The following ETV6 variants were observed in gnomAD, a reference collection of about 807,000 sequenced individuals.
ETV6 encodes the protein ETS variant transcription factor 6, also known as transcription factor ETV6.
A neutral mutation model predicts 51.1 loss-of-function variants in ETV6; 16 were observed. That is an observed-to-expected ratio of 0.31 (90% CI 0.21 to 0.48). ETV6 has a LOEUF of 0.48. ETV6 is among the 20% of genes least tolerant of loss of function. The pLI is 0.99. For missense variants in ETV6, 458 were observed against 594.8 expected (o/e 0.77, Z 2.39); for synonymous variants, 240 against 224.1 (o/e 1.07, Z -0.64).
At chr12:11,821,975 T>C (rs1946087908) in intron 2 of ETV6, among the ~76,000 whole-genome samples, 1 of 152,228 alleles carries the variant, frequency 6.6e-6, no homozygotes, top group Admixed American at 6.5e-5. Flanking sequence ...TTGTGCTCTT[T>C]TCATGTGTGC....
intron 2 of ETV6, among the ~76,000 whole-genome samples, chr12:11,773,192 CAAAAAAAAAAA>C (rs1221154358): frequency 2.5e-5 from 2 of 79,322 alleles, no homozygotes; most frequent in Non-Finnish European, 5.1e-5. Flanking sequence ...GACTCCATCT[CAAAAAAAAAAA>C]AAAAAAAAAT....
intron 1 of ETV6, among the ~76,000 whole-genome samples, chr12:11,696,906 G>A (rs191804552): frequency 9.8e-5 from 15 of 152,326 alleles, no homozygotes; most frequent in Admixed American, 7.8e-4. Flanking sequence ...CTTGAGGGCA[G>A]AGACTATTTC....
At chr12:11,757,908 T>G (rs1254522293) in intron 2 of ETV6, among the ~76,000 whole-genome samples, 1 of 152,190 alleles carries the variant, frequency 6.6e-6, no homozygotes, top group African/African-American at 2.4e-5. Flanking sequence ...ATTCTGGTTT[T>G]GTTCACCAGT....
chr12:11,893,669 CTG>C lies in ETV6; in HGVS notation c.*2625_*2626del, dbSNP rs1473219837. 8.7e-6 allele frequency: 2 copies of C among 228,606 alleles called. No homozygotes were observed. Among genetic ancestry groups the C allele is most frequent in the South Asian group, 1.8e-4 (1 of 5,468 alleles). 14.2% of individuals were successfully genotyped at this position (228,606 alleles called of 1,614,324 possible). On this transcript the variant is annotated 3_prime_UTR_variant, in exon 8 of 8. Coordinates refer to ENST00000396373, the MANE Select transcript of ETV6 (RefSeq NM_001987.5). ...TTTCTTATGGTTCAATGTACACAAA[CTG>C]TTTTATATAGAAAATGATTTCAAAT...
chr12:11,786,452 A>C (rs1050417381), intron 2 of ETV6, among the ~76,000 whole-genome samples: 1 of 152,242 alleles, frequency 6.6e-6, no homozygotes, highest in Non-Finnish European at 1.5e-5. Flanking sequence ...ATAAAAACAA[A>C]TAATTTGTAG....
chr12:11,894,347 A>G lies in ETV6; in HGVS notation c.*3301A>G, dbSNP rs1178976026. 1 of 232,982 alleles carries G rather than the reference A, an allele frequency of 4.3e-6. No homozygotes were observed. Among genetic ancestry groups the G allele is most frequent in the Non-Finnish European group, 8.5e-6 (1 of 117,964 alleles). 14.4% of individuals were successfully genotyped at this position (232,982 alleles called of 1,614,324 possible). On this transcript the variant is annotated 3_prime_UTR_variant, in exon 8 of 8. Transcript: ENST00000396373. ...TTCCTACATCTCAAGCTAGCCAGGC[A>G]GTCTCCTCTCTATCAGAAGAAAGCA...
At chr12:11,780,409 A>G (rs1425466005) in intron 2 of ETV6, among the ~76,000 whole-genome samples, 1 of 152,326 alleles carries the variant, frequency 6.6e-6, no homozygotes, top group East Asian at 1.9e-4. Flanking sequence ...GAAGTATACC[A>G]GTTCTTCCTT....
chr12:11,867,625 A>G (rs1946809202), intron 4 of ETV6, among the ~76,000 whole-genome samples: 1 of 152,250 alleles, frequency 6.6e-6, no homozygotes, highest in Non-Finnish European at 1.5e-5. Flanking sequence ...TGTAAAACTT[A>G]AAACCACTAT....
At chr12:11,687,290 C>T (rs1327023553) in intron 1 of ETV6, among the ~76,000 whole-genome samples, 2 of 147,164 alleles carry the variant, frequency 1.4e-5, no homozygotes, top group Non-Finnish European at 3.0e-5. Context: ...AAACGATTCT[C>T]CTGCTTCAGC....
At chr12:11,650,678 C>G (rs762990735) in intron 1 of ETV6, among the ~76,000 whole-genome samples, 2 of 151,916 alleles carry the variant, frequency 1.3e-5, no homozygotes, top group African/African-American at 2.4e-5. Flanking sequence ...TTTTCCCCCT[C>G]GTCTGATTGT....
chr12:11,748,542 G>A (rs1178059519), intron 1 of ETV6, among the ~76,000 whole-genome samples: 6 of 152,142 alleles, frequency 3.9e-5, no homozygotes, highest in Admixed American at 1.3e-4. Context: ...ATGTGTAAAT[G>A]TGCTAGGGGA....
At chr12:11,743,913 G>C (rs1051257353) in intron 1 of ETV6, among the ~76,000 whole-genome samples, 10 of 152,180 alleles carry the variant, frequency 6.6e-5, no homozygotes, top group African/African-American at 9.7e-5. Flanking sequence ...AGGAGGAGGC[G>C]AAGGGTTTAC....
intron 2 of ETV6, among the ~76,000 whole-genome samples, chr12:11,816,440 G>A (rs889850993): frequency 6.6e-6 from 1 of 152,082 alleles, no homozygotes; most frequent in Non-Finnish European, 1.5e-5. Flanking sequence ...AGAGACGGGG[G>A]TTTCACCATG....
chr12:11,881,054 C>T (rs1473195283), intron 5 of ETV6, among the ~76,000 whole-genome samples: 1 of 152,164 alleles, frequency 6.6e-6, no homozygotes, highest in Non-Finnish European at 1.5e-5. Flanking sequence ...TCTCCCACCT[C>T]AGCCTCCCAA....
intron 7 of ETV6, among the ~76,000 whole-genome samples, chr12:11,890,440 T>C (rs527812072): frequency 6.6e-6 from 1 of 150,846 alleles, no homozygotes; most frequent in East Asian, 1.9e-4. Flanking sequence ...TTTTTTTTTT[T>C]TCCAATAATT....
rs913577136 is a variant in ETV6, at chr12:11,654,654, G to C, written c.33+4494G>C. 3.9e-5 allele frequency among the ~76,000 whole-genome samples: 6 copies of C among 152,250 alleles called. No individual in the cohort carries two copies. The South Asian group carries it at 1.2e-3, about 32-fold the overall frequency. ...GGTGTGAGAAGAGGAAGTAGTAGGA[G>C]GGAGGAGATGAGAGAAGAAGGGCCT... On this transcript the variant is annotated intron_variant, in intron 1 of 7. Transcript: ENST00000396373.
intron 1 of ETV6, among the ~76,000 whole-genome samples, chr12:11,711,737 G>C (rs1252933084): frequency 6.6e-6 from 1 of 152,188 alleles, no homozygotes; most frequent in African/African-American, 2.4e-5. Context: ...ACTGTAAAAT[G>C]AATAAGGTAT....
chr12:11,792,698 A>AC (rs931024170), intron 2 of ETV6, among the ~76,000 whole-genome samples: 30 of 151,794 alleles, frequency 2.0e-4, no homozygotes, highest in Non-Finnish European at 2.5e-4. Context: ...AAAAAAAAAA[A>AC]AATTAATCCT....
At position 11,690,165 on chromosome 12, in the gene ETV6, C is replaced by T. The variant is rs553124403; in HGVS notation, c.33+40005C>T. 1.0e-3 allele frequency among the ~76,000 whole-genome samples: 154 copies of T among 151,322 alleles called. 1 individual carries two copies. Among genetic ancestry groups the T allele is most frequent in the South Asian group, 5.5e-3 (26 of 4,766 alleles). On this transcript the variant is annotated intron_variant, in intron 1 of 7. Coordinates refer to ENST00000396373, the MANE Select transcript of ETV6 (RefSeq NM_001987.5). The stretch of plus-strand genomic sequence containing the variant: ...AGGTGGCTCGCAGACTGAGAAGGGG[C>T]GTAGGGATGCACCCTTCTTGTCTCC...
Sources: gnomAD v4.1 joint callset for allele counts (sites outside exome capture counted in the v4.1 genomes callset) on GRCh38, gnomAD v4.1.1 for gene constraint, MANE v1.5 for transcripts, NCBI Gene and HGNC (gene_info 2026-07-23, HGNC 2026-07-21) for gene names.